The following EXOC6 variants were observed in gnomAD, a reference collection of about 807,000 sequenced individuals.
EXOC6 encodes the protein exocyst complex component 6, also known as SEC15-like 1.
EXOC6 carries 60 observed loss-of-function variants against 112.5 expected under a neutral mutation model. The ratio of observed to expected loss-of-function variants is 0.53; its 90% CI spans 0.43 to 0.66. The LOEUF is 0.66. Ranked by LOEUF, EXOC6 falls within the 30% of genes least tolerant of loss-of-function variation. The pLI is 0.00. For synonymous variants in EXOC6, 295 were observed against 308.0 expected, an observed-to-expected ratio of 0.96 and a Z score of 0.44; for missense variants, 855 against 957.1, an observed-to-expected ratio of 0.89 and a Z score of 1.41.
intron 1 of EXOC6, among the ~76,000 whole-genome samples, chr10:92,858,162 C>T (rs544019095): frequency 3.3e-5 from 5 of 151,872 alleles, no homozygotes; most frequent in Admixed American, 1.3e-4. Context: ...CAGGATTTTC[C>T]GTTTGTCTCT....
rs144809230 is a variant in EXOC6, at chr10:93,054,264, A to G, written c.2170-2660A>G. On this transcript the variant is annotated intron_variant, in intron 20 of 21. Coordinates refer to ENST00000260762, the MANE Select transcript of EXOC6 (RefSeq NM_019053.6). ...CTGTATCTCTGGTACCTAGCACAGT[A>G]TCTAGCACGTGATAGGTGGGGAGTC... is the stretch of plus-strand genomic sequence containing the variant. 1.3e-4 allele frequency among the ~76,000 whole-genome samples: 20 copies of G among 152,330 alleles called. No individual in the cohort carries two copies. The East Asian group carries it at 3.1e-3, about 23-fold the overall frequency.
At chr10:92,976,837 C>T (rs1403066438) in intron 18 of EXOC6, among the ~76,000 whole-genome samples, 1 of 151,092 alleles carries the variant, frequency 6.6e-6, no homozygotes, top group East Asian at 1.9e-4. Context: ...GTTGATGAAA[C>T]ATTAAAAAAA....
intron 7 of EXOC6, 32 bp downstream of exon 7, chr10:92,915,945 T>A: frequency 6.9e-7 from 1 of 1,441,850 alleles, no homozygotes. Flanking sequence ...TTTCTATTAT[T>A]AGATAATTTT....
chr10:92,893,357 A>G lies in EXOC6; in HGVS notation c.110A>G (p.Tyr37Cys). Residue 37 changes from tyrosine to cysteine, a missense_variant, in exon 2 of 22, where the codon TAT becomes TGT. Physicochemically the swap from Tyr to Cys is radical, Grantham distance 194 (BLOSUM62 -2). Around this residue, in one of 2 missense-constraint regions of EXOC6, gnomAD observed 405 missense variants for 393.6 expected, o/e 1.03. Coordinates refer to ENST00000260762, the MANE Select transcript of EXOC6 (RefSeq NM_019053.6). ...TTCTTATATACATTCAGGTCTGTGT[A>G]TGATGACCAACCAAATGCGCACAAG... ...ACVGPTLRSVYDDQPNAHKKF... is the reference protein window; with the variant it reads ...ACVGPTLRSVCDDQPNAHKKF... 6.2e-7 allele frequency: 1 copy of G among 1,610,498 alleles called. No homozygotes were observed.
intron 18 of EXOC6, among the ~76,000 whole-genome samples, chr10:92,996,451 A>AG (rs1303665809): frequency 1.3e-5 from 2 of 152,140 alleles, no homozygotes; most frequent in Non-Finnish European, 2.9e-5. Context: ...CTCTGTCTCT[A>AG]CTGAAAACAC....
chr10:92,973,921 C>A, intron 17 of EXOC6, 132 bp from the exon 18 acceptor site: 12 of 698,720 alleles, frequency 1.7e-5, no homozygotes, highest in South Asian at 6.5e-5. Flanking sequence ...AAAAAACCAA[C>A]AGTTTTCCTG....
upstream of EXOC6, among the ~76,000 whole-genome samples, chr10:92,830,379 G>A (rs1331294085): frequency 1.3e-5 from 2 of 152,124 alleles, no homozygotes; most frequent in East Asian, 3.9e-4. Flanking sequence ...AGGGACAGGG[G>A]TTCCTAGCAG....
At chr10:93,026,110 CA>C in intron 20 of EXOC6, among the ~76,000 whole-genome samples, 1 of 152,208 alleles carries the variant, frequency 6.6e-6, no homozygotes, top group East Asian at 1.9e-4. Flanking sequence ...TACCCTTGTA[CA>C]AATATACCAT....
intron 1 of EXOC6, among the ~76,000 whole-genome samples, chr10:92,871,615 T>C (rs1316297292): frequency 6.6e-6 from 1 of 151,800 alleles, no homozygotes; most frequent in East Asian, 1.9e-4. Flanking sequence ...GAGACCAGCC[T>C]GGCCAACGTG....
chr10:92,906,822 T>C (rs575151932), intron 5 of EXOC6, among the ~76,000 whole-genome samples: 1 of 152,308 alleles, frequency 6.6e-6, no homozygotes, highest in South Asian at 2.1e-4. Context: ...TACAACATGA[T>C]AGCATCAGAT....
chr10:93,006,359 T>TA (rs1478173730), intron 19 of EXOC6, among the ~76,000 whole-genome samples: 1 of 152,208 alleles, frequency 6.6e-6, no homozygotes, highest in Non-Finnish European at 1.5e-5. Context: ...TGGATGCTGT[T>TA]ACACTGTTTG....
At chr10:92,894,244 G>A (rs1177332067) in intron 2 of EXOC6, among the ~76,000 whole-genome samples, 3 of 152,098 alleles carry the variant, frequency 2.0e-5, no homozygotes, top group Non-Finnish European at 4.4e-5. Context: ...AAACCAGAAT[G>A]TGCTTCCTTA....
chr10:92,916,645 T>C (rs1851106454), intron 7 of EXOC6, among the ~76,000 whole-genome samples: 1 of 152,246 alleles, frequency 6.6e-6, no homozygotes. Context: ...CAAAACAATT[T>C]GCATAACAAT....
At chr10:92,937,536 G>A (rs1421714433) in intron 12 of EXOC6, among the ~76,000 whole-genome samples, 2 of 152,098 alleles carry the variant, frequency 1.3e-5, no homozygotes, top group Non-Finnish European at 2.9e-5. Flanking sequence ...GATTCCACAA[G>A]CTCCTTTAGT....
At chr10:93,057,063 A>G (rs753525456) in intron 21 of EXOC6, 27 bp downstream of exon 21, 1 of 1,239,362 alleles carries the variant, frequency 8.1e-7, no homozygotes, top group Admixed American at 2.5e-5. Flanking sequence ...ACTTTTTTGT[A>G]TAACATTTTA....
At position 93,014,247 on chromosome 10, in the gene EXOC6, G is replaced by A; in HGVS notation, c.2149G>A (p.Ala717Thr). The change falls in exon 20 of 22, where the codon GCA becomes ACA. Residue 717 changes from alanine to threonine, a missense_variant. Transcript: ENST00000260762. ...PGFQGDTLQLAFIDLRQLLDL... is the reference protein window; with the variant it reads ...PGFQGDTLQLTFIDLRQLLDL... Reference sequence around the variant, plus strand: ...ATTCCAGGGGGATACCCTGCAGCTAGCATTCATTGACCTCAGACAAGTAAG... The same window carrying A: ...ATTCCAGGGGGATACCCTGCAGCTAACATTCATTGACCTCAGACAAGTAAG... The A allele has an allele frequency of 1.9e-6, 3 of 1,613,210 alleles. No homozygotes were observed. The highest frequency in any genetic ancestry group is 2.5e-6 in the Non-Finnish European group (3 of 1,179,440).
chr10:92,847,187 C>A (rs1847081406), upstream of EXOC6, among the ~76,000 whole-genome samples: 1 of 152,198 alleles, frequency 6.6e-6, no homozygotes, highest in African/African-American at 2.4e-5. Context: ...TTAAGCTACT[C>A]AATTTGTGGT....
intron 12 of EXOC6, among the ~76,000 whole-genome samples, chr10:92,937,178 A>C (rs1852389026): frequency 6.6e-6 from 1 of 152,168 alleles, no homozygotes; most frequent in Admixed American, 6.5e-5. Context: ...ATGGGATTTT[A>C]TGGTTAGAAG....
chr10:92,975,927 C>T (rs1420324563), intron 18 of EXOC6, among the ~76,000 whole-genome samples: 3 of 136,702 alleles, frequency 2.2e-5, no homozygotes, highest in East Asian at 2.3e-4. Context: ...GTGGGGGGGT[C>T]AGCCCCCCGC....
Sources: gnomAD v4.1 joint callset for allele counts (sites outside exome capture counted in the v4.1 genomes callset) on GRCh38, gnomAD v4.1.1 for gene constraint, gnomAD v4.1.1 regional missense constraint, MANE v1.5 for transcripts, NCBI Gene and HGNC (gene_info 2026-07-23, HGNC 2026-07-21) for gene names.